The following PRH1 variants were observed in gnomAD, a reference collection of about 807,000 sequenced individuals.
PRH1 encodes proline rich protein HaeIII subfamily 1.
Under a neutral mutation model 7.9 loss-of-function variants are expected in PRH1, and 7 were observed. The ratio of observed to expected loss-of-function variants is 0.89; its 90% CI spans 0.50 to 1.67. The LOEUF (loss-of-function observed/expected upper bound fraction) is 1.67. Ranked by LOEUF, PRH1 falls within the 40% of genes most tolerant of loss-of-function variation. The pLI is 0.00. For synonymous variants in PRH1, 45 were observed against 80.8 expected (o/e 0.56, Z 2.38); for missense variants, 109 against 223.6 (o/e 0.49, Z 3.27).
intron 1 of PRH1, among the ~76,000 whole-genome samples, chr12:11,087,762 T>C (rs1417160030): frequency 1.5e-4 from 16 of 108,426 alleles, no homozygotes; most frequent in Admixed American, 3.7e-4. Context: ...CAAAACCAGA[T>C]GGATTACAGA....
At chr12:11,136,429 G>C (rs923902490) in intron 1 of PRH1, among the ~76,000 whole-genome samples, 3 of 151,974 alleles carry the variant, frequency 2.0e-5, no homozygotes, top group Admixed American at 1.3e-4. Flanking sequence ...AATTCTACTA[G>C]AGAATTCTTT....
chr12:10,932,103 G>T (rs758200201), intron 2 of PRH1: 6 of 284,964 alleles, frequency 2.1e-5, no homozygotes, highest in Non-Finnish European at 3.9e-5. Flanking sequence ...AAGGAGGGGG[G>T]CTGTAGAAGG....
At chr12:11,021,666 T>G in intron 1 of PRH1, 18 of 1,604,828 alleles carry the variant, frequency 1.1e-5, no homozygotes, top group Non-Finnish European at 1.4e-5. Context: ...GTTTCTCTTC[T>G]TTCACTCAGC....
chr12:10,965,386 G>C lies in PRH1; in HGVS notation c.-59+8269C>G, dbSNP rs1024452275. 3.3e-6 allele frequency: 3 copies of C among 909,452 alleles called. No individual in the cohort carries two copies. In the African/African-American group the frequency reaches 5.1e-5, roughly 16 times the overall value. The allele number at this position is 909,452 out of a possible 1,614,324, so 56.3% of individuals were successfully genotyped here. On this transcript the variant is annotated intron_variant, in intron 2 of 3. Coordinates refer to the PRH1 transcript ENST00000539853. ...AGACAAAAAGATAGAATAAATGAAG[G>C]CCTAACAGCACTGGCTGTGATCCTT...
intron 1 of PRH1, among the ~76,000 whole-genome samples, chr12:11,002,434 G>A (rs981501279): frequency 6.6e-6 from 1 of 151,984 alleles, no homozygotes; most frequent in Non-Finnish European, 1.5e-5. Context: ...ATGATTTACT[G>A]GCTATTTTTT....
chr12:11,168,276 GAA>G (rs1303465150), intron 1 of PRH1, among the ~76,000 whole-genome samples: 4 of 32,444 alleles, frequency 1.2e-4, no homozygotes, highest in Admixed American at 7.3e-4. Flanking sequence ...AAGAAAGAAA[GAA>G]AGAAAGAAAG....
At chr12:11,065,573 C>CT (rs1219418546) in intron 1 of PRH1, among the ~76,000 whole-genome samples, 1 of 152,192 alleles carries the variant, frequency 6.6e-6, no homozygotes, top group Non-Finnish European at 1.5e-5. Flanking sequence ...GTTCTCAACT[C>CT]TGTCTATTGG....
rs149277496 is a variant in PRH1 at position 10,980,380 on chromosome 12, C to T, written c.-125-6659G>A. ...TATCAATCTATCAATATTTACATTG[C>T]TATTTTAAATAAAACTAAATTAGAT... On this transcript the variant is annotated intron_variant, in intron 1 of 3. Coordinates refer to the PRH1 transcript ENST00000539853. Among the ~76,000 whole-genome samples the T allele has an allele frequency of 1.3e-3, 199 of 152,124 alleles. 5 individuals are homozygous for T. In the East Asian group the frequency reaches 0.027, roughly 21 times the overall value.
At position 10,971,060 on chromosome 12, in the gene PRH1, C is replaced by T. The variant is rs1423132470; in HGVS notation, c.-59+2595G>A. On this transcript the variant is annotated intron_variant, in intron 2 of 3. Transcript: ENST00000539853. ...AGCATACAGACAGAAAGCAACAAAA[C>T]CTAAAAGCACAGTAAGAGAAAAAGT... is the stretch of plus-strand genomic sequence containing the variant. 6.5e-5 allele frequency among the ~76,000 whole-genome samples: 9 copies of T among 138,066 alleles called. No homozygotes were observed. The East Asian group carries it at 1.9e-3, about 30-fold the overall frequency. 90.6% of individuals were successfully genotyped at this position (138,066 alleles called of 152,430 possible).
intron 1 of PRH1, chr12:11,022,116 T>A (rs75356565): frequency 0.017 from 26,456 of 1,559,058 alleles, 248 homozygotes; most frequent in Middle Eastern, 0.035. Flanking sequence ...TTGTCCACAC[T>A]CTCTCATCCA....
chr12:11,080,461 C>T (rs1944463698), intron 1 of PRH1, among the ~76,000 whole-genome samples: 1 of 116,414 alleles, frequency 8.6e-6, no homozygotes, highest in South Asian at 2.3e-4. Context: ...TCATTTGCTA[C>T]AATTCTTATG....
intron 2 of PRH1, among the ~76,000 whole-genome samples, chr12:10,904,794 T>A (rs955696738): frequency 4.6e-5 from 7 of 151,964 alleles, no homozygotes; most frequent in African/African-American, 1.7e-4. Context: ...GGGTCTAATA[T>A]CCCAAATCTA....
At chr12:11,106,117 T>G (rs1945406118) in intron 1 of PRH1, among the ~76,000 whole-genome samples, 1 of 102,792 alleles carries the variant, frequency 9.7e-6, no homozygotes, top group Admixed American at 1.0e-4. Context: ...ATTTTTTGTA[T>G]TTTTAGTAGA....
chr12:11,110,859 C>A (rs1235983203), intron 1 of PRH1, among the ~76,000 whole-genome samples: 1 of 152,064 alleles, frequency 6.6e-6, no homozygotes, highest in Non-Finnish European at 1.5e-5. Flanking sequence ...CACAGACCAG[C>A]AAATTGAATA....
chr12:10,909,112 A>T, intron 2 of PRH1: 1 of 1,613,754 alleles, frequency 6.2e-7, no homozygotes, highest in Non-Finnish European at 8.5e-7. Context: ...CAACTTACTA[A>T]TATTTCCCAG....
At chr12:11,074,394 C>T (rs1222551390) in intron 1 of PRH1, among the ~76,000 whole-genome samples, 2 of 144,520 alleles carry the variant, frequency 1.4e-5, no homozygotes, top group African/African-American at 5.0e-5. Flanking sequence ...GCCACCTGAG[C>T]ATCCTCTCCA....
intron 1 of PRH1, among the ~76,000 whole-genome samples, chr12:11,037,947 T>C (rs1942511153): frequency 6.6e-6 from 1 of 152,222 alleles, no homozygotes; most frequent in Admixed American, 6.5e-5. Flanking sequence ...GAGGCTGAGA[T>C]GGGAGAATCA....
At chr12:11,009,268 T>C (rs1328740435) in intron 1 of PRH1, among the ~76,000 whole-genome samples, 4 of 151,918 alleles carry the variant, frequency 2.6e-5, no homozygotes, top group Non-Finnish European at 4.4e-5. Flanking sequence ...AAAATCAGTT[T>C]GTTATTTAGA....
Position 10,937,368 on chromosome 12 carries a change from G to A in PRH1, c.-59+36287C>T, listed in dbSNP as rs190549952. On this transcript the variant is annotated intron_variant, in intron 2 of 3. Coordinates refer to the PRH1 transcript ENST00000539853. Reference sequence around the variant, plus strand: ...ATCATTATTTTAATTGGTCAGAGGAGAGGGAAAATATGATCATCTTAATAA... The same window carrying A: ...ATCATTATTTTAATTGGTCAGAGGAAAGGGAAAATATGATCATCTTAATAA... 3.9e-3 allele frequency: 591 copies of A among 152,110 alleles called. 5 individuals are homozygous for A. The highest frequency in any genetic ancestry group is 0.013 in the African/African-American group (559 of 41,492). The allele number at this position is 152,110 out of a possible 1,614,324, so 9.4% of individuals were successfully genotyped here.
Sources: allele counts gnomAD v4.1 joint callset (sites outside exome capture counted in the v4.1 genomes callset), GRCh38; gene constraint gnomAD v4.1.1; transcripts MANE v1.5; gene names NCBI Gene and HGNC (gene_info 2026-07-23, HGNC 2026-07-21).